MLLT1: variants seen among roughly 807,000 people sequenced by gnomAD.
MLLT1 encodes the protein MLLT1 super elongation complex subunit.
Under a neutral mutation model 55.1 loss-of-function variants are expected in MLLT1, and 11 were observed. That is an observed-to-expected ratio of 0.20 (90% CI 0.13 to 0.33). The LOEUF (loss-of-function observed/expected upper bound fraction) is 0.33, where lower values mean the gene tolerates loss of function less well. MLLT1 is among the 10% of genes least tolerant of loss of function. MLLT1 has a pLI of 1.00. For synonymous variants in MLLT1, 323 were observed against 320.1 expected (o/e 1.01, Z -0.10); for missense variants, 536 against 760.6 (o/e 0.70, Z 3.47).
rs2090788638 is a variant in MLLT1 at position 6,212,615 on chromosome 19, A to T, written c.*427T>A. 5 of 1,091,528 alleles carry T rather than the reference A, an allele frequency of 4.6e-6. No homozygotes were observed. In the South Asian group the frequency reaches 1.6e-4, roughly 36 times the overall value. The allele number at this position is 1,091,528 out of a possible 1,614,324, so 67.6% of individuals were successfully genotyped here. A position where few individuals can be genotyped will look rare whatever the true frequency, so the allele number is the denominator to read the frequency against. ...GCCTTCTGAGGTCCAGGGTGGGCGGAGGGTGTGTTCTGAACCATTCGGGAG... is the reference window on the plus strand; with the variant it reads ...GCCTTCTGAGGTCCAGGGTGGGCGGTGGGTGTGTTCTGAACCATTCGGGAG... On this transcript the variant is annotated 3_prime_UTR_variant, in exon 12 of 12. Coordinates refer to ENST00000252674, the MANE Select transcript of MLLT1 (RefSeq NM_005934.4).
Position 6,262,460 on chromosome 19 carries a change from C to T in MLLT1, c.194-150G>A, listed in dbSNP as rs1204124100. 7 of 605,642 alleles carry T rather than the reference C, an allele frequency of 1.2e-5. No homozygotes were observed. The highest frequency in any genetic ancestry group is 3.7e-5 in the African/African-American group (2 of 53,998). The allele number at this position is 605,642 out of a possible 1,614,324, so 37.5% of individuals were successfully genotyped here. A position where few individuals can be genotyped will look rare whatever the true frequency, so the allele number is the denominator to read the frequency against. On this transcript the variant is annotated intron_variant, in intron 2 of 11. Coordinates refer to ENST00000252674, the MANE Select transcript of MLLT1 (RefSeq NM_005934.4). The surrounding 1 kb of genome is among the most constrained non-coding windows in gnomAD (Gnocchi z 4.4). ...GTGGCTTTTCAGGAGGTTAAGCCCC[C>T]GACAGGATTGACTTCCACGGCAAAG...
chr19:6,253,664 A>AG (rs1426899756), intron 3 of MLLT1, among the ~76,000 whole-genome samples: 1 of 152,212 alleles, frequency 6.6e-6, no homozygotes, highest in East Asian at 1.9e-4. Flanking sequence ...GCAAGGCGGC[A>AG]GGGGGTTCCT....
chr19:6,258,689 T>G (rs938857921), intron 3 of MLLT1, among the ~76,000 whole-genome samples: 2 of 152,222 alleles, frequency 1.3e-5, no homozygotes, highest in Admixed American at 6.5e-5. Context: ...CAAGGTCAAG[T>G]GCACTCGCTG....
chr19:6,216,697 C>T (rs2090847965), intron 7 of MLLT1, 184 bp from the exon 8 acceptor site: 2 of 575,892 alleles, frequency 3.5e-6, no homozygotes, highest in Admixed American at 3.2e-5. Flanking sequence ...CAGCCACCCG[C>T]TTCCCCTAGA....
Position 6,256,571 on chromosome 19 carries a change from G to A in MLLT1, c.276+5657C>T, listed in dbSNP as rs991337302. ...AGATCGAGACCATCCTGGCTAACAC[G>A]GTGAAACCTGGTCTCTACTACAAAT... On this transcript the variant is annotated intron_variant, in intron 3 of 11. Transcript: ENST00000252674. This position sits in a 1 kb window ranked among gnomAD's most constrained non-coding sequence, Gnocchi z 4.1. Among the ~76,000 whole-genome samples, 3 of 152,070 alleles carry A rather than the reference G, an allele frequency of 2.0e-5. No homozygotes were observed. Among genetic ancestry groups the A allele is most frequent in the East Asian group, 1.9e-4 (1 of 5,174 alleles).
intron 1 of MLLT1, among the ~76,000 whole-genome samples, chr19:6,276,427 T>C (rs1048196767): frequency 3.3e-5 from 5 of 152,054 alleles, no homozygotes; most frequent in Admixed American, 2.6e-4. Flanking sequence ...CTGAAGAACA[T>C]CGTTGTGAGG....
chr19:6,250,305 G>T (rs1320884815), intron 3 of MLLT1, among the ~76,000 whole-genome samples: 1 of 152,200 alleles, frequency 6.6e-6, no homozygotes, highest in Admixed American at 6.5e-5. Context: ...TGGAATGCTT[G>T]TGTGTTGCTA....
intron 3 of MLLT1, among the ~76,000 whole-genome samples, chr19:6,243,917 G>A (rs531812140): frequency 3.3e-4 from 50 of 151,884 alleles, no homozygotes; most frequent in Non-Finnish European, 4.1e-4. Flanking sequence ...GGTGGCGGGC[G>A]CCTGTAGTCC....
rs759485944 is a variant in MLLT1, at chr19:6,222,388, C to T, written c.843G>A (p.Arg281=). ...GPPPPPPPPP[R]ASSKRPATAD... ...CGGTGGCCGGCCGCTTGCTGGAAGCCCGGGGTGGGGGTGGGGGTGGGGGTG... is the reference window on the plus strand; with the variant it reads ...CGGTGGCCGGCCGCTTGCTGGAAGCTCGGGGTGGGGGTGGGGGTGGGGGTG... The change falls in exon 6 of 12, where the codon CGG becomes CGA. Residue 281 remains arginine (R), a synonymous_variant. Coordinates refer to ENST00000252674, the MANE Select transcript of MLLT1 (RefSeq NM_005934.4). The surrounding 1 kb of genome is among the most constrained non-coding windows in gnomAD (Gnocchi z 4.1). 68 of 915,170 alleles carry T rather than the reference C, an allele frequency of 7.4e-5. No individual in the cohort carries two copies. Among genetic ancestry groups the T allele is most frequent in the Admixed American group, 2.2e-4 (3 of 13,894 alleles). 56.7% of individuals were successfully genotyped at this position (915,170 alleles called of 1,614,324 possible). A position where few individuals can be genotyped will look rare whatever the true frequency, so the allele number is the denominator to read the frequency against.
chr19:6,212,889 G>T lies in MLLT1; in HGVS notation c.*153C>A. 1 of 1,086,838 alleles carries T rather than the reference G, an allele frequency of 9.2e-7. No individual in the cohort carries two copies. Among genetic ancestry groups the T allele is most frequent in the Non-Finnish European group, 1.3e-6 (1 of 784,644 alleles). The allele number at this position is 1,086,838 out of a possible 1,614,324, so 67.3% of individuals were successfully genotyped here. A position where few individuals can be genotyped will look rare whatever the true frequency, so the allele number is the denominator to read the frequency against. ...ATGGAGCGGGGAGAGTGGGCAGGGAGCCGCCGAGGAAAGTGCAGCGGGCTG... is the reference window on the plus strand; with the variant it reads ...ATGGAGCGGGGAGAGTGGGCAGGGATCCGCCGAGGAAAGTGCAGCGGGCTG... On this transcript the variant is annotated 3_prime_UTR_variant, in exon 12 of 12. Transcript: ENST00000252674.
intron 2 of MLLT1, among the ~76,000 whole-genome samples, chr19:6,267,062 TGGA>T: frequency 6.6e-6 from 1 of 152,100 alleles, no homozygotes; most frequent in Admixed American, 6.5e-5. Flanking sequence ...CCCAAGGAGT[TGGA>T]GTTCAGTCTG....
In MLLT1 at chr19:6,230,830, C is replaced by T. The variant is rs541020152; in HGVS notation, c.277-117G>A. ...CACTGGGCCTCTGTTCCCCTCCCTC[C>T]GATTTGCGCCCACTTCTCTCTCAGG... On this transcript the variant is annotated intron_variant, in intron 3 of 11. Transcript: ENST00000252674. The surrounding 1 kb of genome is among the most constrained non-coding windows in gnomAD (Gnocchi z 9.0). The T allele has an allele frequency of 1.1e-4, 143 of 1,303,204 alleles. No homozygotes were observed. The African/African-American group carries it at 1.6e-3, about 14-fold the overall frequency. 80.7% of individuals were successfully genotyped at this position (1,303,204 alleles called of 1,614,324 possible).
chr19:6,230,944 TC>T lies in MLLT1; in HGVS notation c.277-232del, dbSNP rs1213253218. ...GCAGGCCCCATGGCAGAAAGAAAGCTCATTCATAGCCATGCTCTCGGACTGT... is the reference window on the plus strand; with the variant it reads ...GCAGGCCCCATGGCAGAAAGAAAGCTATTCATAGCCATGCTCTCGGACTGT... On this transcript the variant is annotated intron_variant, in intron 3 of 11. Coordinates refer to ENST00000252674, the MANE Select transcript of MLLT1 (RefSeq NM_005934.4). The surrounding 1 kb of genome is among the most constrained non-coding windows in gnomAD (Gnocchi z 9.0). Among the ~76,000 whole-genome samples the T allele has an allele frequency of 6.6e-6, 1 of 152,106 alleles. No individual in the cohort carries two copies. The highest frequency in any genetic ancestry group is 2.4e-5 in the African/African-American group (1 of 41,410).
chr19:6,258,189 T>C (rs1158298974), intron 3 of MLLT1, among the ~76,000 whole-genome samples: 1 of 152,100 alleles, frequency 6.6e-6, no homozygotes, highest in Non-Finnish European at 1.5e-5. Context: ...AAACACACAC[T>C]CACACACGTT....
rs768613313 is a variant in MLLT1 at position 6,213,723 on chromosome 19, C to CG, written c.1479+2_1479+3insC. On this transcript the variant is annotated splice_region_variant and intron_variant, in intron 10 of 11. Transcript: ENST00000252674. ...CCCCGCCTTGTCGTAGGTGCCCCCC[C>CG]ACCTTGTCGTAGGTGCCCTTCTTGA... is the stretch of plus-strand genomic sequence containing the variant. 134 of 1,612,714 alleles carry CG rather than the reference C, an allele frequency of 8.3e-5. No individual in the cohort carries two copies. The highest frequency in any genetic ancestry group is 3.2e-4 in the Admixed American group (19 of 59,924).
At chr19:6,234,073 C>T (rs1397028591) in intron 3 of MLLT1, among the ~76,000 whole-genome samples, 2 of 152,220 alleles carry the variant, frequency 1.3e-5, no homozygotes, top group Non-Finnish European at 2.9e-5. Flanking sequence ...GGGAAGGCTC[C>T]CTGGAGGCTG....
intron 3 of MLLT1, among the ~76,000 whole-genome samples, chr19:6,246,500 C>G (rs928781801): frequency 2.6e-5 from 4 of 152,166 alleles, no homozygotes; most frequent in Non-Finnish European, 5.9e-5. Context: ...ATGGACAAAT[C>G]TAAGTGCGCT....
intron 3 of MLLT1, among the ~76,000 whole-genome samples, chr19:6,239,378 G>A (rs1484596209): frequency 2.0e-5 from 3 of 152,308 alleles, no homozygotes; most frequent in African/African-American, 7.2e-5. Context: ...AGGGAGACCC[G>A]GAGATGCCAA....
rs989694585 is a variant in MLLT1 at position 6,273,739 on chromosome 19, A to G, written c.13-2980T>C. ...CATGGGAACAGCACCAGGATGCGGG[A>G]GAACGACCCCTGCTTCTGTGGAGCT... On this transcript the variant is annotated intron_variant, in intron 1 of 11. Coordinates refer to ENST00000252674, the MANE Select transcript of MLLT1 (RefSeq NM_005934.4). The surrounding 1 kb of genome is among the most constrained non-coding windows in gnomAD (Gnocchi z 4.3). 6.6e-6 allele frequency among the ~76,000 whole-genome samples: 1 copy of G among 152,226 alleles called. No homozygotes were observed. Among genetic ancestry groups the G allele is most frequent in the Non-Finnish European group, 1.5e-5 (1 of 68,034 alleles).
Sources: gnomAD v4.1 joint callset for allele counts (sites outside exome capture counted in the v4.1 genomes callset) on GRCh38, gnomAD v4.1.1 for gene constraint, Gnocchi (gnomAD v3.1) non-coding constraint, MANE v1.5 for transcripts, NCBI Gene and HGNC (gene_info 2026-07-23, HGNC 2026-07-21) for gene names.